Variants in NLGN1 observed in about 807,000 individuals in gnomAD.
The protein encoded by NLGN1 is neuroligin 1, also known as neuroligin-1.
Under a neutral mutation model 65.5 loss-of-function variants are expected in NLGN1, and 12 were observed. That is an observed-to-expected ratio of 0.18 (90% CI 0.12 to 0.30). The LOEUF (loss-of-function observed/expected upper bound fraction) is 0.30, where lower values mean the gene tolerates loss of function less well. NLGN1 is among the 10% of genes least tolerant of loss of function. NLGN1 has a pLI of 1.00. For synonymous variants in NLGN1, 350 were observed against 359.5 expected (o/e 0.97, Z 0.30); for missense variants, 750 against 1,007.1 (o/e 0.74, Z 3.46).
At chr3:173,496,218 T>C (rs1210152203) in intron 2 of NLGN1, among the ~76,000 whole-genome samples, 2 of 151,794 alleles carry the variant, frequency 1.3e-5, no homozygotes, top group Admixed American at 6.6e-5. Context: ...AGTCCTTTAT[T>C]GAGTGTCTGT....
intron 3 of NLGN1, among the ~76,000 whole-genome samples, chr3:173,629,409 C>T (rs1039582815): frequency 6.6e-6 from 1 of 152,050 alleles, no homozygotes; most frequent in Non-Finnish European, 1.5e-5. Flanking sequence ...GGCCACTGTG[C>T]CCAGCTTCCA....
At chr3:174,051,571 A>G (rs1450843277) in intron 4 of NLGN1, among the ~76,000 whole-genome samples, 6 of 152,210 alleles carry the variant, frequency 3.9e-5, no homozygotes, top group Non-Finnish European at 8.8e-5. Flanking sequence ...ATGGATGCCT[A>G]GAGGATTCTT....
intron 2 of NLGN1, among the ~76,000 whole-genome samples, chr3:173,497,798 G>A (rs940375835): frequency 6.6e-6 from 1 of 151,692 alleles, no homozygotes; most frequent in Non-Finnish European, 1.5e-5. Context: ...TATTTTTAAT[G>A]TTTGCCTTAA....
At chr3:173,573,923 C>T (rs565599986) in intron 2 of NLGN1, among the ~76,000 whole-genome samples, 5 of 151,464 alleles carry the variant, frequency 3.3e-5, no homozygotes, top group African/African-American at 1.2e-4. Context: ...ATTAGCCGGG[C>T]GTGGTAGCGG....
intron 4 of NLGN1, among the ~76,000 whole-genome samples, chr3:174,019,731 T>G (rs2152456221): frequency 6.6e-6 from 1 of 152,264 alleles, no homozygotes; most frequent in East Asian, 1.9e-4. Context: ...TATTTTGCTA[T>G]TAAGAAGAAT....
At chr3:174,133,091 A>G (rs977987492) in intron 4 of NLGN1, among the ~76,000 whole-genome samples, 7 of 152,162 alleles carry the variant, frequency 4.6e-5, no homozygotes, top group African/African-American at 9.7e-5. Context: ...TGTTCCTTCT[A>G]TGTCCATTTA....
chr3:174,220,685 T>C (rs1356377631), intron 4 of NLGN1, among the ~76,000 whole-genome samples: 1 of 152,004 alleles, frequency 6.6e-6, no homozygotes, highest in Non-Finnish European at 1.5e-5. Flanking sequence ...AGTGTGTAGA[T>C]CCATTTTTTG....
intron 4 of NLGN1, among the ~76,000 whole-genome samples, chr3:174,252,932 G>T (rs759633037): frequency 2.0e-5 from 3 of 152,096 alleles, no homozygotes; most frequent in Non-Finnish European, 2.9e-5. Flanking sequence ...CAGAGTGTCT[G>T]GCAAAGAATA....
intron 4 of NLGN1, among the ~76,000 whole-genome samples, chr3:174,101,824 G>A (rs1398273581): frequency 6.6e-6 from 1 of 152,104 alleles, no homozygotes; most frequent in African/African-American, 2.4e-5. Flanking sequence ...AGGAAGAAAG[G>A]TACTTTTAAT....
chr3:173,497,193 G>A (rs994903286), intron 2 of NLGN1, among the ~76,000 whole-genome samples: 1 of 151,760 alleles, frequency 6.6e-6, no homozygotes, highest in African/African-American at 2.4e-5. Context: ...AGACCAGCCT[G>A]GCCAATATGG....
At chr3:174,219,395 G>T (rs1211617074) in intron 4 of NLGN1, among the ~76,000 whole-genome samples, 1 of 152,048 alleles carries the variant, frequency 6.6e-6, no homozygotes, top group Non-Finnish European at 1.5e-5. Flanking sequence ...TTGAGTTGTT[G>T]TTAGACAGTA....
intron 4 of NLGN1, among the ~76,000 whole-genome samples, chr3:174,266,044 A>ATT (rs1553984777): frequency 3.3e-5 from 4 of 123,010 alleles, no homozygotes; most frequent in African/African-American, 1.4e-4. Context: ...ATATATATAT[A>ATT]TATTTTTTTT....
In NLGN1 at chr3:173,515,232, T is replaced by A. The variant is rs374775925; in HGVS notation, c.-321+80154T>A. On this transcript the variant is annotated intron_variant, in intron 2 of 6. Transcript: ENST00000457714. ...ATGATATCTCATTGTGGTTTTGACT[T>A]GTATTTCCTCAATTATTAGTGATAT... Among the ~76,000 whole-genome samples, 17 of 152,288 alleles carry A rather than the reference T, an allele frequency of 1.1e-4. 1 individual carries two copies. The highest frequency in any genetic ancestry group is 2.0e-4 in the Admixed American group (3 of 15,292).
intron 4 of NLGN1, among the ~76,000 whole-genome samples, chr3:173,997,604 T>C (rs1242929673): frequency 6.6e-6 from 1 of 152,124 alleles, no homozygotes; most frequent in Non-Finnish European, 1.5e-5. Context: ...CCCGGCAATA[T>C]TCATAATCAT....
chr3:173,474,488 G>A (rs1046180388), intron 2 of NLGN1, among the ~76,000 whole-genome samples: 2 of 152,100 alleles, frequency 1.3e-5, no homozygotes, highest in African/African-American at 2.4e-5. Flanking sequence ...CAAATATGCA[G>A]CACTTAAATG....
chr3:174,063,651 C>CA (rs138167644), intron 4 of NLGN1, among the ~76,000 whole-genome samples: 35,477 of 151,496 alleles, frequency 0.23, 4,904 homozygotes, highest in African/African-American at 0.39. Flanking sequence ...ACTAGCTTAG[C>CA]AAAAATGGTA....
At chr3:173,399,657 CT>C (rs2148596834) in intron 1 of NLGN1, 1 of 152,292 alleles carries the variant, frequency 6.6e-6, no homozygotes, top group East Asian at 1.9e-4. Context: ...TCTCTTCCAA[CT>C]CTGAAATTCT....
chr3:173,741,523 C>G (rs1774641772), intron 3 of NLGN1, among the ~76,000 whole-genome samples: 2 of 152,058 alleles, frequency 1.3e-5, no homozygotes, highest in African/African-American at 4.8e-5. Flanking sequence ...GACAGAGTCT[C>G]ACTATGTCAC....
intron 2 of NLGN1, among the ~76,000 whole-genome samples, chr3:173,494,116 T>C (rs1273737757): frequency 1.1e-5 from 1 of 86,958 alleles, no homozygotes; most frequent in Non-Finnish European, 2.3e-5. Context: ...TTTAGTGTTA[T>C]AGGTGAGTGT....
Sources: gnomAD v4.1 joint callset for allele counts (sites outside exome capture counted in the v4.1 genomes callset) on GRCh38, gnomAD v4.1.1 for gene constraint, MANE v1.5 for transcripts, NCBI Gene and HGNC (gene_info 2026-07-23, HGNC 2026-07-21) for gene names.